Variants in CACNA1E observed in about 807,000 individuals in gnomAD.
The protein encoded by CACNA1E is calcium voltage-gated channel subunit alpha1 E, also known as voltage-dependent R-type calcium channel subunit alpha-1E.
A neutral mutation model predicts 259.2 loss-of-function variants in CACNA1E; 40 were observed. The ratio of observed to expected loss-of-function variants is 0.15; its 90% CI spans 0.12 to 0.20. The LOEUF is 0.20. CACNA1E is among the 10% of genes least tolerant of loss of function. The pLI is 1.00. For missense variants in CACNA1E, 1,874 were observed against 3,040.1 expected, an observed-to-expected ratio of 0.62 and a Z score of 9.02; for synonymous variants, 1,104 against 1,138.5, an observed-to-expected ratio of 0.97 and a Z score of 0.61.
At chr1:181,588,915 CAG>C (rs1302554475) in intron 6 of CACNA1E, among the ~76,000 whole-genome samples, 1 of 152,218 alleles carries the variant, frequency 6.6e-6, no homozygotes, top group East Asian at 1.9e-4. Flanking sequence ...CAAATGCTGA[CAG>C]AATCTCAGCC....
At chr1:181,626,009 A>G (rs1285803685) in intron 6 of CACNA1E, among the ~76,000 whole-genome samples, 5 of 152,182 alleles carry the variant, frequency 3.3e-5, no homozygotes, top group African/African-American at 7.2e-5. Flanking sequence ...AGGGACAGAA[A>G]TGGGGGAATG....
At chr1:181,733,958 C>T (rs1200142985) in intron 21 of CACNA1E, among the ~76,000 whole-genome samples, 1 of 152,218 alleles carries the variant, frequency 6.6e-6, no homozygotes, top group African/African-American at 2.4e-5. Flanking sequence ...AAAATTTCCC[C>T]AGGCTTGTTC....
At chr1:181,614,519 G>C (rs1655035751) in intron 6 of CACNA1E, among the ~76,000 whole-genome samples, 1 of 152,208 alleles carries the variant, frequency 6.6e-6, no homozygotes. Flanking sequence ...ACTCAGAGAT[G>C]ATTATTGTCA....
intron 1 of CACNA1E, among the ~76,000 whole-genome samples, chr1:181,378,760 A>G (rs1655267338): frequency 6.6e-6 from 1 of 152,234 alleles, no homozygotes; most frequent in Admixed American, 6.5e-5. Context: ...TTGGTAGAGT[A>G]CACAGAAAAG....
At chr1:181,675,576 C>T (rs1326398582) in intron 7 of CACNA1E, among the ~76,000 whole-genome samples, 3 of 152,150 alleles carry the variant, frequency 2.0e-5, no homozygotes, top group Non-Finnish European at 4.4e-5. Flanking sequence ...GCCATGACAA[C>T]ATAATGAGCT....
intron 3 of CACNA1E, among the ~76,000 whole-genome samples, chr1:181,533,584 A>C (rs1008068155): frequency 6.7e-6 from 1 of 150,188 alleles, no homozygotes; most frequent in Non-Finnish European, 1.5e-5. Flanking sequence ...AATCTTAGCC[A>C]TTATAATTTC....
At chr1:181,715,307 A>G (rs1349827073) in intron 8 of CACNA1E, 31 bp from the exon 9 acceptor site, 2 of 1,444,244 alleles carry the variant, frequency 1.4e-6, no homozygotes, top group Non-Finnish European at 1.9e-6. Context: ...GCATTTACAG[A>G]TAATTTACCA....
intron 3 of CACNA1E, among the ~76,000 whole-genome samples, chr1:181,566,568 C>A (rs949496358): frequency 2.6e-5 from 4 of 152,094 alleles, no homozygotes; most frequent in African/African-American, 9.7e-5. Flanking sequence ...CTCTTTATTT[C>A]TGTATTCTTC....
At chr1:181,575,393 T>C (rs1650870074) in intron 3 of CACNA1E, among the ~76,000 whole-genome samples, 1 of 152,206 alleles carries the variant, frequency 6.6e-6, no homozygotes, top group African/African-American at 2.4e-5. Context: ...AAGTTAGCTT[T>C]GCTTTTGTTC....
At position 181,382,987 on chromosome 1, in the gene CACNA1E, A is replaced by G. The variant is rs543379041; in HGVS notation, c.-14-30146A>G. Among the ~76,000 whole-genome samples, 9 of 152,238 alleles carry G rather than the reference A, an allele frequency of 5.9e-5. No individual in the cohort carries two copies. The South Asian group carries it at 1.7e-3, about 28-fold the overall frequency. On this transcript the variant is annotated intron_variant, in intron 1 of 11. Transcript: ENST00000524607. ...AGTACACAGCCAGCCATCTTGTCTT[A>G]AGACAAGGCCAGGACAGCTGCCTCC...
chr1:181,573,918 C>T (rs954969624), intron 3 of CACNA1E, among the ~76,000 whole-genome samples: 6 of 152,202 alleles, frequency 3.9e-5, no homozygotes, highest in Non-Finnish European at 8.8e-5. Context: ...AGATGTGGTA[C>T]ATATACACCA....
intron 34 of CACNA1E, among the ~76,000 whole-genome samples, chr1:181,765,454 A>G (rs1245725471): frequency 6.6e-6 from 1 of 152,060 alleles, no homozygotes; most frequent in South Asian, 2.1e-4. Flanking sequence ...AGTGTAGTCA[A>G]CCCCCATCAC....
Position 181,793,874 on chromosome 1 carries a change from G to A in CACNA1E, c.6027+81G>A, listed in dbSNP as rs139816420. On this transcript the variant is annotated intron_variant, in intron 45 of 47. Transcript: ENST00000367573. ...TATGGAATAATATCTGATATTTGCA[G>A]GTGAGCCGTTGACTTGCCCGCACCC... 38 of 1,455,872 alleles carry A rather than the reference G, an allele frequency of 2.6e-5. No homozygotes were observed. In the African/African-American group the frequency reaches 4.2e-4, roughly 16 times the overall value. The allele number at this position is 1,455,872 out of a possible 1,614,324, so 90.2% of individuals were successfully genotyped here.
At position 181,635,152 on chromosome 1, in the gene CACNA1E, G is replaced by T. The variant is rs554161669; in HGVS notation, c.952-16186G>T. 1.2e-3 allele frequency among the ~76,000 whole-genome samples: 190 copies of T among 152,314 alleles called. 1 individual carries two copies. The highest frequency in any genetic ancestry group is 1.9e-3 in the Non-Finnish European group (129 of 68,018). Reference sequence around the variant, plus strand: ...TTCCAGGAGCCCTACTGGGGCCAGAGCCCAAGTGGGAAGATCCTCCCTTAA... The same window carrying T: ...TTCCAGGAGCCCTACTGGGGCCAGATCCCAAGTGGGAAGATCCTCCCTTAA... On this transcript the variant is annotated intron_variant, in intron 6 of 47. Transcript: ENST00000367573.
At chr1:181,588,077 A>T (rs1270835561) in intron 6 of CACNA1E, among the ~76,000 whole-genome samples, 1 of 152,144 alleles carries the variant, frequency 6.6e-6, no homozygotes, top group Non-Finnish European at 1.5e-5. Context: ...CATGTGCCGC[A>T]CATGTGCAGA....
intron 6 of CACNA1E, among the ~76,000 whole-genome samples, chr1:181,593,854 T>G (rs538213920): frequency 6.6e-6 from 1 of 152,340 alleles, no homozygotes; most frequent in East Asian, 1.9e-4. Context: ...TCTTAACCTT[T>G]GCAAGTGTTA....
chr1:181,570,752 C>A (rs1489582268), intron 3 of CACNA1E, among the ~76,000 whole-genome samples: 1 of 152,162 alleles, frequency 6.6e-6, no homozygotes, highest in Non-Finnish European at 1.5e-5. Flanking sequence ...AATCTTCTGC[C>A]TTTTTCTTGT....
chr1:181,459,333 G>A (rs1661661269), intron 2 of CACNA1E, among the ~76,000 whole-genome samples: 3 of 152,394 alleles, frequency 2.0e-5, no homozygotes, highest in South Asian at 2.1e-4. Context: ...TCAGCACCAG[G>A]CAGCAGGCTC....
At chr1:181,640,486 G>A (rs1302461023) in intron 6 of CACNA1E, among the ~76,000 whole-genome samples, 1 of 152,174 alleles carries the variant, frequency 6.6e-6, no homozygotes, top group Admixed American at 6.5e-5. Context: ...TAACTGTCCT[G>A]GGGCTTCTTC....
Sources: allele counts gnomAD v4.1 joint callset (sites outside exome capture counted in the v4.1 genomes callset), GRCh38; gene constraint gnomAD v4.1.1; transcripts MANE v1.5; gene names NCBI Gene and HGNC (gene_info 2026-07-23, HGNC 2026-07-21).